Variants in LSAMP observed in about 807,000 individuals in gnomAD.
LSAMP encodes the protein limbic system-associated membrane protein.
Under a neutral mutation model 38.6 loss-of-function variants are expected in LSAMP, and 7 were observed. The observed-to-expected ratio is 0.18, with a 90% CI of 0.10 to 0.34. LSAMP has a LOEUF of 0.34. LSAMP is among the 10% of genes least tolerant of loss of function. The pLI is 1.00. For missense variants in LSAMP, 313 were observed against 420.0 expected (o/e 0.75, Z 2.23); for synonymous variants, 154 against 166.8 (o/e 0.92, Z 0.59).
At chr3:116,124,014 T>A (rs1454137143) in intron 1 of LSAMP, among the ~76,000 whole-genome samples, 2 of 152,188 alleles carry the variant, frequency 1.3e-5, no homozygotes, top group African/African-American at 4.8e-5. Context: ...AAAGGCTTCC[T>A]TACCATCTTG....
chr3:116,165,953 A>G (rs1710040412), intron 1 of LSAMP, among the ~76,000 whole-genome samples: 1 of 152,088 alleles, frequency 6.6e-6, no homozygotes, highest in Non-Finnish European at 1.5e-5. Context: ...CCTTATTACC[A>G]TCTAAAAACA....
intron 1 of LSAMP, among the ~76,000 whole-genome samples, chr3:116,207,033 G>T (rs888237351): frequency 2.6e-5 from 4 of 151,492 alleles, no homozygotes; most frequent in African/African-American, 9.7e-5. Context: ...TAATGTGTGG[G>T]AGTCTAAGTC....
intron 1 of LSAMP, among the ~76,000 whole-genome samples, chr3:116,104,374 A>G (rs1708414919): frequency 6.6e-6 from 1 of 151,708 alleles, no homozygotes; most frequent in African/African-American, 2.4e-5. Flanking sequence ...ATGTTGTTAG[A>G]TGCAACCCTG....
At chr3:116,038,397 G>T (rs2107713507) in intron 2 of LSAMP, among the ~76,000 whole-genome samples, 1 of 152,242 alleles carries the variant, frequency 6.6e-6, no homozygotes, top group Middle Eastern at 3.4e-3. Flanking sequence ...GGGAAAGCAT[G>T]AATAAATGTA....
intron 1 of LSAMP, among the ~76,000 whole-genome samples, chr3:116,331,173 G>A (rs1430271652): frequency 1.3e-5 from 2 of 152,108 alleles, no homozygotes; most frequent in African/African-American, 2.4e-5. Context: ...AATCTCTGAA[G>A]TTGAAGATGG....
intron 1 of LSAMP, among the ~76,000 whole-genome samples, chr3:116,419,211 T>C (rs1461849830): frequency 2.0e-5 from 3 of 152,248 alleles, no homozygotes; most frequent in African/African-American, 7.2e-5. Flanking sequence ...TGGAGTTCCC[T>C]ACTTTTCTAT....
At chr3:116,277,823 G>A (rs2047076010) in intron 1 of LSAMP, among the ~76,000 whole-genome samples, 1 of 152,124 alleles carries the variant, frequency 6.6e-6, no homozygotes, top group African/African-American at 2.4e-5. Flanking sequence ...AGAACCATGA[G>A]AGACTCAGCC....
At chr3:116,071,185 AAAAG>A (rs1707597254) in intron 2 of LSAMP, among the ~76,000 whole-genome samples, 3 of 151,318 alleles carry the variant, frequency 2.0e-5, no homozygotes, top group African/African-American at 4.8e-5. Context: ...ATAAAGAAAA[AAAAG>A]AAGAGTATGA....
rs1215333770 is a variant in LSAMP, at chr3:115,809,230, C to T, written c.*1087G>A. 1 of 152,080 alleles carries T rather than the reference C, an allele frequency of 6.6e-6. No individual in the cohort carries two copies. Among genetic ancestry groups the T allele is most frequent in the African/African-American group, 2.4e-5 (1 of 41,386 alleles). The allele number at this position is 152,080 out of a possible 1,614,324, so 9.4% of individuals were successfully genotyped here. On this transcript the variant is annotated 3_prime_UTR_variant, in exon 7 of 7. Transcript: ENST00000490035. ...ATAATTCCTTATGCTGTTTGCTTACCCCATCGATAGTAGGCACTTTCATTT... is the reference window on the plus strand; with the variant it reads ...ATAATTCCTTATGCTGTTTGCTTACTCCATCGATAGTAGGCACTTTCATTT...
intron 1 of LSAMP, among the ~76,000 whole-genome samples, chr3:116,173,102 T>A (rs562924648): frequency 6.6e-6 from 1 of 152,162 alleles, no homozygotes; most frequent in African/African-American, 2.4e-5. Flanking sequence ...GTTAGTGTTC[T>A]TCCTATGGTC....
chr3:116,164,762 T>A (rs201945854), intron 1 of LSAMP, among the ~76,000 whole-genome samples: 4,043 of 36,092 alleles, frequency 0.11, 325 homozygotes, highest in African/African-American at 0.12. Context: ...ATATATATAT[T>A]TTTTTTTTTT....
chr3:115,815,051 G>A (rs1933971147), intron 6 of LSAMP, among the ~76,000 whole-genome samples: 1 of 152,122 alleles, frequency 6.6e-6, no homozygotes, highest in East Asian at 1.9e-4. Context: ...CAAATTAGAG[G>A]AGGGGAAATA....
intron 3 of LSAMP, among the ~76,000 whole-genome samples, chr3:115,960,567 C>A (rs1938592898): frequency 6.6e-6 from 1 of 152,150 alleles, no homozygotes; most frequent in African/African-American, 2.4e-5. Flanking sequence ...CCCAAGTCAG[C>A]ATGTTAATTT....
At chr3:116,398,960 A>G (rs1158144920) in intron 1 of LSAMP, among the ~76,000 whole-genome samples, 1 of 152,206 alleles carries the variant, frequency 6.6e-6, no homozygotes, top group African/African-American at 2.4e-5. Context: ...AAAGTGAGAT[A>G]AAGACTGAGG....
At chr3:116,148,428 TTCCTGTATTTTGAAGCAAAAAC>T (rs1709535984) in intron 1 of LSAMP, among the ~76,000 whole-genome samples, 1 of 152,000 alleles carries the variant, frequency 6.6e-6, no homozygotes, top group South Asian at 2.1e-4. Context: ...TGTCTTTGTT[TTCCTGTATTTTGAAGCAAAAAC>T]TCGACATGTT....
chr3:115,897,796 G>A (rs922221569), intron 3 of LSAMP, among the ~76,000 whole-genome samples: 1 of 152,112 alleles, frequency 6.6e-6, no homozygotes, highest in African/African-American at 2.4e-5. Flanking sequence ...CTTTCTGTTA[G>A]AACAGATTCA....
chr3:115,956,334 C>T (rs1364683944), intron 3 of LSAMP, among the ~76,000 whole-genome samples: 1 of 150,788 alleles, frequency 6.6e-6, no homozygotes, highest in Non-Finnish European at 1.5e-5. Flanking sequence ...TCACTTTGAC[C>T]AAACAATTAT....
intron 1 of LSAMP, among the ~76,000 whole-genome samples, chr3:116,160,047 A>G (rs1241712434): frequency 6.6e-6 from 1 of 152,146 alleles, no homozygotes; most frequent in African/African-American, 2.4e-5. Flanking sequence ...GGACACAAAG[A>G]AGGGAACAAC....
chr3:116,129,437 C>T (rs953749510), intron 1 of LSAMP, among the ~76,000 whole-genome samples: 8 of 152,120 alleles, frequency 5.3e-5, no homozygotes, highest in African/African-American at 1.4e-4. Flanking sequence ...AATAGCATCC[C>T]CCTCTCCCAA....
Sources: gnomAD v4.1 joint callset for allele counts (sites outside exome capture counted in the v4.1 genomes callset) on GRCh38, gnomAD v4.1.1 for gene constraint, MANE v1.5 for transcripts, NCBI Gene and HGNC (gene_info 2026-07-23, HGNC 2026-07-21) for gene names.